ZDHHC14: variants seen among roughly 807,000 people sequenced by gnomAD.
The protein encoded by ZDHHC14 is palmitoyltransferase ZDHHC14.
ZDHHC14 carries 16 observed loss-of-function variants against 47.7 expected under a neutral mutation model. The observed-to-expected ratio is 0.34, with a 90% CI of 0.23 to 0.51. ZDHHC14 has a LOEUF of 0.51. Among genes scored for constraint, ZDHHC14 ranks in the 20% least tolerant of loss-of-function variants. ZDHHC14 has a pLI of 0.97. For missense variants in ZDHHC14, 515 were observed against 662.5 expected (o/e 0.78, Z 2.44); for synonymous variants, 293 against 278.9 (o/e 1.05, Z -0.50).
chr6:157,602,328 G>A (rs1171220126), intron 3 of ZDHHC14, among the ~76,000 whole-genome samples: 1 of 151,454 alleles, frequency 6.6e-6, no homozygotes, highest in Non-Finnish European at 1.5e-5. Context: ...CCAACATGGT[G>A]AAACCCCGTC....
chr6:157,612,451 C>T (rs544321459), intron 3 of ZDHHC14, among the ~76,000 whole-genome samples: 4 of 152,328 alleles, frequency 2.6e-5, no homozygotes, highest in South Asian at 4.2e-4. Context: ...GCTCCAGCCC[C>T]GAGGTCTCCT....
chr6:157,645,979 G>C, intron 6 of ZDHHC14, 140 bp downstream of exon 6: 1 of 664,896 alleles, frequency 1.5e-6, no homozygotes, highest in South Asian at 2.1e-5. Context: ...AGACGGTGCC[G>C]TGGAAACTTC....
At chr6:157,557,157 G>A (rs1043839778) in intron 2 of ZDHHC14, among the ~76,000 whole-genome samples, 20 of 152,206 alleles carry the variant, frequency 1.3e-4, no homozygotes, top group African/African-American at 4.6e-4. Flanking sequence ...CGGGCTGCTC[G>A]GAGAATGACA....
intron 8 of ZDHHC14, among the ~76,000 whole-genome samples, chr6:157,670,252 G>A (rs533929164): frequency 7.9e-5 from 12 of 152,318 alleles, no homozygotes; most frequent in Admixed American, 4.6e-4. Context: ...TGAGTGGAAA[G>A]GATTGTTAAC....
At position 157,477,247 on chromosome 6, in the gene ZDHHC14, G is replaced by A. The variant is rs142511111; in HGVS notation, c.246-65338G>A. 9.3e-4 allele frequency among the ~76,000 whole-genome samples: 142 copies of A among 152,288 alleles called. 1 individual carries two copies. The highest frequency in any genetic ancestry group is 3.0e-3 in the African/African-American group (126 of 41,560). ...ATACAAAAATTAGCTGGGCGTGGTG[G>A]TGTGCACCTGTAATCGCAGCTACTC... On this transcript the variant is annotated intron_variant, in intron 1 of 8. Coordinates refer to ENST00000359775, the MANE Select transcript of ZDHHC14 (RefSeq NM_024630.3).
intron 3 of ZDHHC14, among the ~76,000 whole-genome samples, chr6:157,626,961 T>G (rs1336108205): frequency 6.6e-6 from 1 of 152,020 alleles, no homozygotes; most frequent in Non-Finnish European, 1.5e-5. Context: ...TACAAATTAT[T>G]TTCCCTGAGT....
chr6:157,611,228 GACCTC>G (rs1197831280), intron 3 of ZDHHC14, among the ~76,000 whole-genome samples: 3 of 152,170 alleles, frequency 2.0e-5, no homozygotes, highest in Admixed American at 6.5e-5. Flanking sequence ...TCAAACTCCT[GACCTC>G]AGGTGATCTG....
At chr6:157,405,914 TATAA>T (rs1194409266) in intron 1 of ZDHHC14, among the ~76,000 whole-genome samples, 1 of 152,222 alleles carries the variant, frequency 6.6e-6, no homozygotes, top group African/African-American at 2.4e-5. Flanking sequence ...ATGGATGGGC[TATAA>T]ATGGGGAATT....
At chr6:157,621,966 C>T (rs1301131796) in intron 3 of ZDHHC14, among the ~76,000 whole-genome samples, 1 of 152,128 alleles carries the variant, frequency 6.6e-6, no homozygotes, top group Admixed American at 6.5e-5. Context: ...GACTGATTTC[C>T]TCCGCTGTCA....
chr6:157,541,798 G>C (rs1273390459), intron 1 of ZDHHC14, among the ~76,000 whole-genome samples: 4 of 152,126 alleles, frequency 2.6e-5, no homozygotes, highest in Admixed American at 2.0e-4. Context: ...GGCTCGTGTA[G>C]AGTTTAGTCT....
At chr6:157,658,592 A>T (rs1330805585) in intron 8 of ZDHHC14, among the ~76,000 whole-genome samples, 1 of 152,258 alleles carries the variant, frequency 6.6e-6, no homozygotes, top group Middle Eastern at 3.4e-3. Context: ...GTCATACCAG[A>T]ACTTTCTTGA....
Position 157,674,475 on chromosome 6 carries a change from C to G in ZDHHC14, c.*1353C>G, listed in dbSNP as rs962891436. ...TAGAAGGGAACGAACTGGCTCTGGA[C>G]TTAGGGAGTGTGTCACTATGGGGGC... On this transcript the variant is annotated 3_prime_UTR_variant, in exon 9 of 9. Coordinates refer to ENST00000359775, the MANE Select transcript of ZDHHC14 (RefSeq NM_024630.3). The G allele has an allele frequency of 1.3e-5, 2 of 152,236 alleles. No individual in the cohort carries two copies. Among genetic ancestry groups the G allele is most frequent in the African/African-American group, 4.8e-5 (2 of 41,440 alleles). 9.4% of individuals were successfully genotyped at this position (152,236 alleles called of 1,614,324 possible). A position where few individuals can be genotyped will look rare whatever the true frequency, so the allele number is the denominator to read the frequency against.
At chr6:157,400,280 G>A (rs1029504161) in intron 1 of ZDHHC14, among the ~76,000 whole-genome samples, 2 of 152,146 alleles carry the variant, frequency 1.3e-5, no homozygotes, top group African/African-American at 4.8e-5. Context: ...TGTGAGAAAG[G>A]CTGCTGTCAC....
intron 1 of ZDHHC14, among the ~76,000 whole-genome samples, chr6:157,395,836 T>A (rs1777511075): frequency 6.6e-6 from 1 of 152,036 alleles, no homozygotes; most frequent in South Asian, 2.1e-4. Context: ...GTACTGTGTC[T>A]GTTACATATA....
chr6:157,461,881 C>T (rs1779095529), intron 1 of ZDHHC14, among the ~76,000 whole-genome samples: 1 of 152,148 alleles, frequency 6.6e-6, no homozygotes, highest in Admixed American at 6.5e-5. Flanking sequence ...GAGCACCGTG[C>T]CCCCACTAGA....
chr6:157,460,405 GAAAAAAAAA>G (rs1164382844), intron 1 of ZDHHC14, among the ~76,000 whole-genome samples: 18 of 43,360 alleles, frequency 4.2e-4, no homozygotes, highest in South Asian at 1.0e-3. Flanking sequence ...TCTCTCTCTG[GAAAAAAAAA>G]AAAAAAAAAA....
At chr6:157,467,084 A>C (rs945421541) in intron 1 of ZDHHC14, among the ~76,000 whole-genome samples, 2 of 152,128 alleles carry the variant, frequency 1.3e-5, no homozygotes, top group Non-Finnish European at 2.9e-5. Flanking sequence ...ATTTGGAAAC[A>C]CCATCCGAGT....
At chr6:157,617,599 A>C (rs552125756) in intron 3 of ZDHHC14, among the ~76,000 whole-genome samples, 2 of 152,312 alleles carry the variant, frequency 1.3e-5, no homozygotes, top group Admixed American at 1.3e-4. Flanking sequence ...CCATGTATAC[A>C]TGTAGTCAGA....
intron 1 of ZDHHC14, among the ~76,000 whole-genome samples, chr6:157,406,877 CA>C (rs977193747): frequency 6.6e-6 from 1 of 152,174 alleles, no homozygotes; most frequent in African/African-American, 2.4e-5. Flanking sequence ...GCCTGACATG[CA>C]GAAGAGCCTC....
Sources: allele counts gnomAD v4.1 joint callset (sites outside exome capture counted in the v4.1 genomes callset), GRCh38; gene constraint gnomAD v4.1.1; transcripts MANE v1.5; gene names NCBI Gene and HGNC (gene_info 2026-07-23, HGNC 2026-07-21).